EXOC4: variants seen among roughly 807,000 people sequenced by gnomAD.
The protein encoded by EXOC4 is exocyst complex component 4, also known as SEC8-like 1.
In EXOC4, 71 loss-of-function variants were observed where a neutral mutation model predicts 107.2. The ratio of observed to expected loss-of-function variants is 0.66; its 90% CI spans 0.55 to 0.81. The LOEUF is 0.81. Among genes scored for constraint, EXOC4 ranks in the 30% least tolerant of loss-of-function variants. EXOC4 has a pLI of 0.00. For missense variants in EXOC4, 1,108 were observed against 1,189.6 expected (o/e 0.93, Z 1.01); for synonymous variants, 456 against 441.2 (o/e 1.03, Z -0.42).
intron 11 of EXOC4, among the ~76,000 whole-genome samples, chr7:133,865,511 A>G (rs1317400043): frequency 6.6e-6 from 1 of 152,166 alleles, no homozygotes; most frequent in Non-Finnish European, 1.5e-5. Flanking sequence ...TGCTCTTTTA[A>G]GATATCTCTA....
chr7:133,443,206 G>A (rs1489876741), intron 7 of EXOC4, among the ~76,000 whole-genome samples: 2 of 152,158 alleles, frequency 1.3e-5, no homozygotes, highest in African/African-American at 4.8e-5. Flanking sequence ...GGTTGTGGAG[G>A]CTAGACCTCA....
intron 10 of EXOC4, among the ~76,000 whole-genome samples, chr7:133,635,422 T>C (rs1435574106): frequency 6.6e-6 from 1 of 152,224 alleles, no homozygotes; most frequent in African/African-American, 2.4e-5. Context: ...AGATAATTTA[T>C]TGTGCCTTAG....
At position 133,745,391 on chromosome 7, in the gene EXOC4, C is replaced by G. The variant is rs114035265; in HGVS notation, c.1515-71934C>G. On this transcript the variant is annotated intron_variant, in intron 10 of 17. Coordinates refer to ENST00000253861, the MANE Select transcript of EXOC4 (RefSeq NM_021807.4). ...CTTTAAACTTACTGTCTAATTTTAT[C>G]TATAAAATGAGAATTATAGAAGTAT... Among the ~76,000 whole-genome samples, 565 of 152,136 alleles carry G rather than the reference C, an allele frequency of 3.7e-3. 6 individuals carry two copies. Among genetic ancestry groups the G allele is most frequent in the African/African-American group, 0.013 (534 of 41,508 alleles).
At chr7:133,439,695 C>T (rs192383180) in intron 7 of EXOC4, among the ~76,000 whole-genome samples, 111 of 152,286 alleles carry the variant, frequency 7.3e-4, no homozygotes, top group African/African-American at 2.6e-3. Flanking sequence ...AGCTGTATCA[C>T]TGGTCTGACA....
intron 7 of EXOC4, among the ~76,000 whole-genome samples, chr7:133,426,953 A>G (rs766232150): frequency 6.6e-6 from 1 of 152,168 alleles, no homozygotes; most frequent in Non-Finnish European, 1.5e-5. Flanking sequence ...ATTAATGAGT[A>G]ATTGGATTCA....
intron 14 of EXOC4, among the ~76,000 whole-genome samples, chr7:133,973,087 A>C (rs973611950): frequency 6.6e-6 from 1 of 152,218 alleles, no homozygotes; most frequent in African/African-American, 2.4e-5. Context: ...TGGATAGTTC[A>C]GTTTAACAAA....
chr7:133,477,108 TAAC>T (rs1799033318), intron 8 of EXOC4, among the ~76,000 whole-genome samples: 1 of 152,204 alleles, frequency 6.6e-6, no homozygotes, highest in East Asian at 1.9e-4. Context: ...TTACCCTATT[TAAC>T]ATCTTGTATT....
chr7:133,969,007 A>T (rs1801137431), intron 14 of EXOC4, among the ~76,000 whole-genome samples: 1 of 152,188 alleles, frequency 6.6e-6, no homozygotes, highest in African/African-American at 2.4e-5. Context: ...GTTTTCACGT[A>T]GTGCCATATT....
At chr7:133,889,624 C>A (rs1353607145) in intron 11 of EXOC4, among the ~76,000 whole-genome samples, 1 of 118,370 alleles carries the variant, frequency 8.4e-6, no homozygotes, top group Non-Finnish European at 1.7e-5. Flanking sequence ...TTCCTGTGTC[C>A]ATGTGATCTC....
intron 9 of EXOC4, among the ~76,000 whole-genome samples, chr7:133,542,807 A>G (rs1385284989): frequency 6.6e-6 from 1 of 152,148 alleles, no homozygotes; most frequent in African/African-American, 2.4e-5. Flanking sequence ...AATGAATGGC[A>G]TTTAATTCTA....
At chr7:133,760,295 A>G (rs1796006876) in intron 10 of EXOC4, among the ~76,000 whole-genome samples, 1 of 152,242 alleles carries the variant, frequency 6.6e-6, no homozygotes, top group Admixed American at 6.5e-5. Context: ...CTATATTGGA[A>G]TATAATGTGT....
rs182430603 is a variant in EXOC4, at chr7:133,681,712, T to C, written c.1514+51571T>C. On this transcript the variant is annotated intron_variant, in intron 10 of 17. Coordinates refer to ENST00000253861, the MANE Select transcript of EXOC4 (RefSeq NM_021807.4). ...GTGGGCACACAGCCAAACCATATCA[T>C]GGAGCAAAATGATTAGCTTGCATAT... 2.0e-5 allele frequency among the ~76,000 whole-genome samples: 3 copies of C among 152,202 alleles called. No individual in the cohort carries two copies. In the East Asian group the frequency reaches 5.8e-4, roughly 29 times the overall value.
chr7:133,347,540 C>T (rs1198537045), intron 5 of EXOC4, among the ~76,000 whole-genome samples: 1 of 152,142 alleles, frequency 6.6e-6, no homozygotes, highest in East Asian at 1.9e-4. Flanking sequence ...CCACACCCAG[C>T]CTGTAAACTA....
chr7:133,479,128 C>T (rs1276700404), intron 8 of EXOC4: 1 of 152,168 alleles, frequency 6.6e-6, no homozygotes, highest in East Asian at 1.9e-4. Context: ...GGCAGTCATT[C>T]TTAGAAGGAT....
intron 10 of EXOC4, among the ~76,000 whole-genome samples, chr7:133,688,339 A>G (rs1585079989): frequency 6.6e-6 from 1 of 152,314 alleles, no homozygotes; most frequent in South Asian, 2.1e-4. Context: ...GATTAAACAG[A>G]ATGAAAATCT....
At chr7:133,943,182 C>A (rs1800472003) in intron 14 of EXOC4, among the ~76,000 whole-genome samples, 1 of 152,154 alleles carries the variant, frequency 6.6e-6, no homozygotes, top group African/African-American at 2.4e-5. Flanking sequence ...TAGATCATCA[C>A]TGAGGTCATT....
intron 11 of EXOC4, among the ~76,000 whole-genome samples, chr7:133,885,105 G>A (rs900471412): frequency 6.6e-6 from 1 of 152,082 alleles, no homozygotes; most frequent in Admixed American, 6.5e-5. Context: ...CATGAGGTCA[G>A]GAGATCGAGA....
intron 9 of EXOC4, among the ~76,000 whole-genome samples, chr7:133,484,777 T>G (rs1488254814): frequency 6.6e-6 from 1 of 152,116 alleles, no homozygotes; most frequent in African/African-American, 2.4e-5. Flanking sequence ...GATAAAGTGA[T>G]GTTTTAAAAA....
the EXOC4 span, among the ~76,000 whole-genome samples, chr7:134,077,452 C>T: frequency 2.0e-5 from 3 of 152,336 alleles, 1 homozygote; most frequent in South Asian, 6.2e-4. Context: ...TACCAGCTAT[C>T]TGGGCATCCC....
Sources: gnomAD v4.1 joint callset for allele counts (sites outside exome capture counted in the v4.1 genomes callset) on GRCh38, gnomAD v4.1.1 for gene constraint, MANE v1.5 for transcripts, NCBI Gene and HGNC (gene_info 2026-07-23, HGNC 2026-07-21) for gene names.